MAP3K3: variants seen among roughly 807,000 people sequenced by gnomAD.
MAP3K3 encodes mitogen-activated protein kinase kinase kinase 3, also known as MAP/ERK kinase kinase 3.
In MAP3K3, 12 loss-of-function variants were observed where a neutral mutation model predicts 80.9. That is an observed-to-expected ratio of 0.15 (90% CI 0.10 to 0.24). The LOEUF (loss-of-function observed/expected upper bound fraction) is 0.24, where lower values mean the gene tolerates loss of function less well. Ranked by LOEUF, MAP3K3 falls within the 10% of genes least tolerant of loss-of-function variation. MAP3K3 has a pLI of 1.00. For missense variants in MAP3K3, 596 were observed against 834.7 expected (o/e 0.71, Z 3.52); for synonymous variants, 272 against 307.1 (o/e 0.89, Z 1.19).
At position 63,692,477 on chromosome 17, in the gene MAP3K3, T is replaced by C; in HGVS notation, c.1652+58T>C. 6.6e-7 allele frequency: 1 copy of C among 1,517,320 alleles called. No individual in the cohort carries two copies. The highest frequency in any genetic ancestry group is 8.9e-7 in the Non-Finnish European group (1 of 1,128,556). The allele number at this position is 1,517,320 out of a possible 1,614,324, so 94.0% of individuals were successfully genotyped here. A position where few individuals can be genotyped will look rare whatever the true frequency, so the allele number is the denominator to read the frequency against. On this transcript the variant is annotated intron_variant, in intron 15 of 15. Transcript: ENST00000361733. This position sits in a 1 kb window ranked among gnomAD's most constrained non-coding sequence, Gnocchi z 4.5. Reference sequence around the variant, plus strand: ...CACCCAGGCCATAGTGGCCCCCCATTAGAAACACACCCTGGGGACTTTGTG... The same window carrying C: ...CACCCAGGCCATAGTGGCCCCCCATCAGAAACACACCCTGGGGACTTTGTG...
At position 63,622,705 on chromosome 17, in the gene MAP3K3, C is replaced by A; in HGVS notation, c.-55C>A. 2.2e-6 allele frequency: 1 copy of A among 449,228 alleles called. No homozygotes were observed. The highest frequency in any genetic ancestry group is 4.3e-6 in the Non-Finnish European group (1 of 230,446). 27.8% of individuals were successfully genotyped at this position (449,228 alleles called of 1,614,324 possible). A position where few individuals can be genotyped will look rare whatever the true frequency, so the allele number is the denominator to read the frequency against. On this transcript the variant is annotated 5_prime_UTR_variant, in exon 1 of 16. Transcript: ENST00000361733. ...CCGCCCGGGCCCCCGGCATGCAGCC[C>A]CGGCTGCGGAGGTGACACTCACGGA...
chr17:63,638,527 C>G (rs2034377537), intron 2 of MAP3K3, among the ~76,000 whole-genome samples: 1 of 152,150 alleles, frequency 6.6e-6, no homozygotes, highest in African/African-American at 2.4e-5. Flanking sequence ...GTCAGTTATT[C>G]CTGTTGCTCC....
Position 63,689,016 on chromosome 17 carries a change from G to A in MAP3K3, c.871+135G>A. ...ATTTGTGGCCCAGACTTGAGGCATG[G>A]GAGACAGGAAAAAAACAAAAACAAA... On this transcript the variant is annotated intron_variant, in intron 10 of 15. Transcript: ENST00000361733. The surrounding 1 kb of genome is among the most constrained non-coding windows in gnomAD (Gnocchi z 4.3). 1 of 659,310 alleles carries A rather than the reference G, an allele frequency of 1.5e-6. No individual in the cohort carries two copies. The highest frequency in any genetic ancestry group is 1.8e-5 in the South Asian group (1 of 55,604). 40.8% of individuals were successfully genotyped at this position (659,310 alleles called of 1,614,324 possible).
intron 2 of MAP3K3, among the ~76,000 whole-genome samples, chr17:63,644,086 TTAATA>T (rs1444105752): frequency 3.3e-5 from 5 of 152,312 alleles, no homozygotes; most frequent in Non-Finnish European, 7.3e-5. Context: ...ATCAGTTTAA[TTAATA>T]TATGTAAACA....
chr17:63,688,308 G>C (rs2035503416), intron 8 of MAP3K3: 1 of 588,972 alleles, frequency 1.7e-6, no homozygotes, highest in South Asian at 1.9e-5. Context: ...GTCAGATGGG[G>C]GAGATTTACC....
chr17:63,639,231 C>T (rs2034394207), intron 2 of MAP3K3, among the ~76,000 whole-genome samples: 1 of 152,056 alleles, frequency 6.6e-6, no homozygotes, highest in African/African-American at 2.4e-5. Context: ...GGTGGAAGGG[C>T]ACTTGAACTA....
intron 7 of MAP3K3, among the ~76,000 whole-genome samples, chr17:63,684,850 C>T (rs980304025): frequency 2.0e-5 from 3 of 152,066 alleles, no homozygotes; most frequent in African/African-American, 7.2e-5. Context: ...GAAGACCCCA[C>T]CCCAACTTTT....
At chr17:63,668,987 G>A (rs368843929) in intron 6 of MAP3K3, among the ~76,000 whole-genome samples, 1 of 152,196 alleles carries the variant, frequency 6.6e-6, no homozygotes, top group Non-Finnish European at 1.5e-5. Context: ...CAAGTAGAGA[G>A]AGATATCTCA....
intron 2 of MAP3K3, among the ~76,000 whole-genome samples, chr17:63,642,517 G>A (rs1173572750): frequency 6.6e-6 from 1 of 151,968 alleles, no homozygotes; most frequent in Admixed American, 6.6e-5. Context: ...AATCATTCAG[G>A]CATGGTGGTG....
Position 63,694,816 on chromosome 17 carries a change from C to T in MAP3K3, c.*1039C>T, listed in dbSNP as rs1284298455. On this transcript the variant is annotated 3_prime_UTR_variant, in exon 16 of 16. Transcript: ENST00000361733. ...GTAGAAGGGAAAGCCCATATGCTACCACCAGCTGTGTCCAAAACCGCCAGC... is the reference window on the plus strand; with the variant it reads ...GTAGAAGGGAAAGCCCATATGCTACTACCAGCTGTGTCCAAAACCGCCAGC... 1.3e-5 allele frequency: 2 copies of T among 152,900 alleles called. No homozygotes were observed. The highest frequency in any genetic ancestry group is 2.9e-5 in the Non-Finnish European group (2 of 68,410). 9.5% of individuals were successfully genotyped at this position (152,900 alleles called of 1,614,324 possible). A position where few individuals can be genotyped will look rare whatever the true frequency, so the allele number is the denominator to read the frequency against.
intron 2 of MAP3K3, among the ~76,000 whole-genome samples, chr17:63,638,140 A>T (rs1421756252): frequency 6.6e-6 from 1 of 152,240 alleles, no homozygotes; most frequent in East Asian, 1.9e-4. Flanking sequence ...ATATTTTGTA[A>T]GAAGATTGCT....
rs1204740831 is a variant in MAP3K3, at chr17:63,689,245, T to C, written c.872-299T>C. On this transcript the variant is annotated intron_variant, in intron 10 of 15. Coordinates refer to ENST00000361733, the MANE Select transcript of MAP3K3 (RefSeq NM_002401.5). The surrounding 1 kb of genome is among the most constrained non-coding windows in gnomAD (Gnocchi z 4.3). ...GGGTGTGGCTTGGCCTTGCAAGCAA[T>C]TGGGAGCCTGTTGGCCAGCCATACA... The C allele has an allele frequency of 6.4e-5, 34 of 528,012 alleles. No homozygotes were observed. The highest frequency in any genetic ancestry group is 1.0e-3 in the Middle Eastern group (2 of 1,984). 32.7% of individuals were successfully genotyped at this position (528,012 alleles called of 1,614,324 possible).
intron 6 of MAP3K3, 60 bp downstream of exon 6, chr17:63,667,120 C>A: frequency 1.3e-6 from 2 of 1,489,954 alleles, no homozygotes; most frequent in Non-Finnish European, 9.0e-7. Context: ...TTTAAAAAAG[C>A]AACAAGTATT....
At chr17:63,651,191 A>G (rs1376781007) in intron 3 of MAP3K3, among the ~76,000 whole-genome samples, 5 of 152,178 alleles carry the variant, frequency 3.3e-5, no homozygotes, top group South Asian at 2.1e-4. Context: ...CATTCATTCA[A>G]ACTTTTTATT....
At chr17:63,650,830 T>G (rs958059846) in intron 3 of MAP3K3, among the ~76,000 whole-genome samples, 5 of 151,902 alleles carry the variant, frequency 3.3e-5, no homozygotes, top group African/African-American at 1.2e-4. Context: ...TAGCTTAGAC[T>G]ATAAGCATGT....
rs2035650702 is a variant in MAP3K3 at position 63,694,310 on chromosome 17, A to C, written c.*533A>C. 1 of 152,898 alleles carries C rather than the reference A, an allele frequency of 6.5e-6. No homozygotes were observed. The highest frequency in any genetic ancestry group is 2.4e-5 in the African/African-American group (1 of 41,466). 9.5% of individuals were successfully genotyped at this position (152,898 alleles called of 1,614,324 possible). A position where few individuals can be genotyped will look rare whatever the true frequency, so the allele number is the denominator to read the frequency against. On this transcript the variant is annotated 3_prime_UTR_variant, in exon 16 of 16. Transcript: ENST00000361733. Reference sequence around the variant, plus strand: ...CCAGGCTGCCGTCCCCTAGAGTCCCAGGTTGGCTCTGCCAGTCCTGTCCTT... The same window carrying C: ...CCAGGCTGCCGTCCCCTAGAGTCCCCGGTTGGCTCTGCCAGTCCTGTCCTT...
At chr17:63,687,182 A>C (rs2035468953) in intron 8 of MAP3K3, among the ~76,000 whole-genome samples, 1 of 150,378 alleles carries the variant, frequency 6.6e-6, no homozygotes. Flanking sequence ...CCTGACCAGC[A>C]TAGCGAAACC....
chr17:63,631,477 A>G (rs1440238197), intron 1 of MAP3K3, among the ~76,000 whole-genome samples: 2 of 152,224 alleles, frequency 1.3e-5, no homozygotes, highest in East Asian at 1.9e-4. Context: ...GGTGTGCCCC[A>G]AGTCCCCAAA....
rs1331788478 is a variant in MAP3K3, at chr17:63,652,553, T to G, written c.168-4T>G. On this transcript the variant is annotated splice_polypyrimidine_tract_variant and splice_region_variant and intron_variant, in intron 3 of 15. Transcript: ENST00000361733. ...AACCAACCTTTCTTTCTGTTTCTTT[T>G]CAGAATTATAGCGTTCAGCCGGCCT... The G allele has an allele frequency of 6.2e-7, 1 of 1,608,916 alleles. No individual in the cohort carries two copies.
Sources: gnomAD v4.1 joint callset for allele counts (sites outside exome capture counted in the v4.1 genomes callset) on GRCh38, gnomAD v4.1.1 for gene constraint, Gnocchi (gnomAD v3.1) non-coding constraint, MANE v1.5 for transcripts, NCBI Gene and HGNC (gene_info 2026-07-23, HGNC 2026-07-21) for gene names.